Variants in ATP6V1E1 observed in about 807,000 individuals in gnomAD.
ATP6V1E1 encodes the protein V-type proton ATPase subunit E 1.
Under a neutral mutation model 35.2 loss-of-function variants are expected in ATP6V1E1, and 21 were observed. The observed-to-expected ratio is 0.60, with a 90% confidence interval of 0.42 to 0.86. The LOEUF is 0.86. ATP6V1E1 is among the 40% of genes least tolerant of loss of function. The pLI is 0.00. For missense variants in ATP6V1E1, 183 were observed against 272.6 expected, an observed-to-expected ratio of 0.67 and a Z score of 2.32; for synonymous variants, 83 against 87.8, an observed-to-expected ratio of 0.95 and a Z score of 0.30.
chr22:17,602,541 A>T (rs1026296503), intron 4 of ATP6V1E1, among the ~76,000 whole-genome samples: 2 of 151,792 alleles, frequency 1.3e-5, no homozygotes, highest in Non-Finnish European at 2.9e-5. Context: ...CACCCAGTTA[A>T]TTTTTTTGTA....
intron 4 of ATP6V1E1, among the ~76,000 whole-genome samples, chr22:17,608,942 C>T (rs1364356226): frequency 6.6e-6 from 1 of 151,840 alleles, no homozygotes. Flanking sequence ...AAAAATTAGC[C>T]GGGCGCAGTG....
intron 4 of ATP6V1E1, among the ~76,000 whole-genome samples, chr22:17,610,582 A>G (rs1394530660): frequency 6.6e-6 from 1 of 152,248 alleles, no homozygotes; most frequent in Non-Finnish European, 1.5e-5. Context: ...ATCTTTTGCT[A>G]TAACCTTGTG....
At chr22:17,622,882 A>C (rs1473127394) in intron 1 of ATP6V1E1, among the ~76,000 whole-genome samples, 1 of 152,036 alleles carries the variant, frequency 6.6e-6, no homozygotes, top group African/African-American at 2.4e-5. Context: ...CAGGAGAATC[A>C]CTTGAACCTG....
chr22:17,623,771 T>C lies in ATP6V1E1; in HGVS notation c.34-4245A>G, dbSNP rs1200102039. Among the ~76,000 whole-genome samples the C allele has an allele frequency of 2.0e-5, 3 of 152,212 alleles. No homozygotes were observed. In the East Asian group the frequency reaches 5.8e-4, roughly 29 times the overall value. On this transcript the variant is annotated intron_variant, in intron 1 of 8. Transcript: ENST00000253413. ...GATTCGGACCTGGATTATCTGCCTT[T>C]AGCACTCTGCTGCACCCTTGGCTAC...
At chr22:17,619,062 G>A (rs569860434) in intron 2 of ATP6V1E1, 1 of 455,244 alleles carries the variant, frequency 2.2e-6, no homozygotes, top group Non-Finnish European at 4.4e-6. Context: ...GGGAGGACGA[G>A]GTAGGCGGAT....
At chr22:17,625,281 T>G (rs1172043032) in intron 1 of ATP6V1E1, among the ~76,000 whole-genome samples, 8 of 152,190 alleles carry the variant, frequency 5.3e-5, no homozygotes, top group Admixed American at 5.2e-4. Flanking sequence ...ACTTTTTTTT[T>G]TGAGACCGAG....
chr22:17,615,772 C>G lies in ATP6V1E1; in HGVS notation c.100-2452G>C, dbSNP rs569210002. 2.0e-5 allele frequency among the ~76,000 whole-genome samples: 3 copies of G among 152,200 alleles called. No individual in the cohort carries two copies. In the South Asian group the frequency reaches 6.2e-4, roughly 32 times the overall value. Reference sequence around the variant, plus strand: ...AATTGGCCTGGCGCGGTAGCTAACGCCTGTAATCCCAACACTTTGGGAGGC... The same window carrying G: ...AATTGGCCTGGCGCGGTAGCTAACGGCTGTAATCCCAACACTTTGGGAGGC... On this transcript the variant is annotated intron_variant, in intron 2 of 8. Coordinates refer to ENST00000253413, the MANE Select transcript of ATP6V1E1 (RefSeq NM_001696.4).
intron 5 of ATP6V1E1, chr22:17,600,891 C>T: frequency 2.6e-6 from 1 of 380,682 alleles, no homozygotes; most frequent in Non-Finnish European, 4.7e-6. Context: ...TCCAAGCAGA[C>T]AGATTTACTA....
rs757748936 is a variant in ATP6V1E1 at position 17,592,720 on chromosome 22, C to T, written c.635G>A (p.Arg212Gln). ...GGCATTTGCACCAAACAAGGCTCCC[C>T]GGACTTCTGGCATCATCTGTGGAGA... ...LIAQQMMPEV[R>Q]GALFGANANR... The change falls in exon 9 of 9, where the codon CGG (arginine) becomes CAG (glutamine). Residue 212 changes from arginine (R) to glutamine (Q), a missense_variant. By Grantham distance (43) the Arg-to-Gln change is conservative. Transcript: ENST00000253413. The T allele has an allele frequency of 1.8e-5, 29 of 1,613,820 alleles. No homozygotes were observed. The highest frequency in any genetic ancestry group is 1.8e-4 in the South Asian group (16 of 91,076).
In ATP6V1E1 at chr22:17,592,800, C is replaced by CTTT. The variant is rs150344720; in HGVS notation, c.619-67_619-65dup. 460 of 719,956 alleles carry CTTT rather than the reference C, an allele frequency of 6.4e-4. 2 individuals carry two copies. Among genetic ancestry groups the CTTT allele is most frequent in the African/African-American group, 4.1e-3 (195 of 47,162 alleles). The allele number at this position is 719,956 out of a possible 1,614,324, so 44.6% of individuals were successfully genotyped here. A position where few individuals can be genotyped will look rare whatever the true frequency, so the allele number is the denominator to read the frequency against. On this transcript the variant is annotated intron_variant, in intron 8 of 8. Transcript: ENST00000253413. ...GAAGAAGTTGTAGAGCGCTGCACAT[C>CTTT]TTTTTTTTTTTTTTTTTTTTGAGAC...
chr22:17,615,974 G>A (rs1373404194), intron 2 of ATP6V1E1, among the ~76,000 whole-genome samples: 3 of 151,814 alleles, frequency 2.0e-5, no homozygotes, highest in African/African-American at 7.3e-5. Context: ...AGAGGTTGCG[G>A]TGTGCTGAGA....
intron 7 of ATP6V1E1, among the ~76,000 whole-genome samples, chr22:17,597,012 C>G (rs1030820920): frequency 6.6e-6 from 1 of 151,812 alleles, no homozygotes; most frequent in East Asian, 1.9e-4. Flanking sequence ...GGAGGCCGAG[C>G]GGGCAGATCA....
At chr22:17,593,040 G>A (rs1414790556) in intron 8 of ATP6V1E1, among the ~76,000 whole-genome samples, 5 of 151,940 alleles carry the variant, frequency 3.3e-5, no homozygotes, top group East Asian at 1.9e-4. Context: ...CACCCGCCTC[G>A]GCCTCCCACA....
intron 6 of ATP6V1E1, 65 bp downstream of exon 6, chr22:17,599,962 A>G: frequency 5.7e-6 from 6 of 1,059,026 alleles, no homozygotes; most frequent in Middle Eastern, 2.4e-4. Context: ...GAAAAGAAAG[A>G]GAGAGGGGAA....
intron 1 of ATP6V1E1, among the ~76,000 whole-genome samples, chr22:17,622,737 G>C (rs376515425): frequency 6.6e-6 from 1 of 152,180 alleles, no homozygotes; most frequent in East Asian, 1.9e-4. Context: ...AGGCCAAGGT[G>C]GGTAGATCTC....
intron 7 of ATP6V1E1, among the ~76,000 whole-genome samples, chr22:17,596,167 T>C (rs1473116104): frequency 1.3e-5 from 2 of 149,414 alleles, no homozygotes; most frequent in Non-Finnish European, 2.9e-5. Context: ...TAAAAAATGC[T>C]ATGAGGTTAG....
intron 1 of ATP6V1E1, among the ~76,000 whole-genome samples, chr22:17,626,541 ATTT>A (rs750597664): frequency 7.5e-6 from 1 of 133,264 alleles, no homozygotes. Context: ...ACACCTGGCA[ATTT>A]TTTTTTTTTT....
At chr22:17,613,545 G>A (rs2057825868) in intron 2 of ATP6V1E1, among the ~76,000 whole-genome samples, 1 of 151,578 alleles carries the variant, frequency 6.6e-6, no homozygotes, top group Non-Finnish European at 1.5e-5. Context: ...AAGGGTAACA[G>A]TAACCGACAA....
chr22:17,618,084 A>G (rs2057855782), intron 2 of ATP6V1E1, among the ~76,000 whole-genome samples: 1 of 152,230 alleles, frequency 6.6e-6, no homozygotes. Context: ...TGCTGGGATT[A>G]CAGGCGTGAG....
Sources: allele counts gnomAD v4.1 joint callset (sites outside exome capture counted in the v4.1 genomes callset), GRCh38; gene constraint gnomAD v4.1.1; transcripts MANE v1.5; gene names NCBI Gene and HGNC (gene_info 2026-07-23, HGNC 2026-07-21).